The following SCRG1 variants were observed in gnomAD, a reference collection of about 807,000 sequenced individuals.
SCRG1 encodes the protein scrapie-responsive protein 1.
A neutral mutation model predicts 7.7 loss-of-function variants in SCRG1; 3 were observed. The observed-to-expected ratio is 0.39, with a 90% CI of 0.18 to 1.01. The LOEUF (loss-of-function observed/expected upper bound fraction) is 1.01, where lower values mean the gene tolerates loss of function less well. SCRG1 is among the 50% of genes least tolerant of loss of function. The pLI is 0.36. For synonymous variants in SCRG1, 46 were observed against 41.2 expected, an observed-to-expected ratio of 1.12 and a Z score of -0.44; for missense variants, 110 against 117.2, an observed-to-expected ratio of 0.94 and a Z score of 0.28.
At chr4:173,425,673 G>A in the SCRG1 span, among the ~76,000 whole-genome samples, 2 of 152,170 alleles carry the variant, frequency 1.3e-5, no homozygotes, top group East Asian at 1.9e-4. Context: ...CTGAACATTC[G>A]TTCCTGACAC....
At chr4:173,463,402 G>A in the SCRG1 span, among the ~76,000 whole-genome samples, 1 of 152,256 alleles carries the variant, frequency 6.6e-6, no homozygotes, top group East Asian at 1.9e-4. Context: ...AGTCTCCTGA[G>A]TAGCTGGGAC....
At chr4:173,419,635 G>T in the SCRG1 span, 1 of 731,996 alleles carries the variant, frequency 1.4e-6, no homozygotes, top group Non-Finnish European at 2.5e-6. Flanking sequence ...ACAAACCAAG[G>T]AATCGTTTGC....
chr4:173,400,293 G>C (rs550021655), upstream of SCRG1, among the ~76,000 whole-genome samples: 6 of 152,150 alleles, frequency 3.9e-5, no homozygotes, highest in South Asian at 6.2e-4. Context: ...ACTTTCAAAG[G>C]CTTGGGCCTT....
At chr4:173,403,365 A>G (rs1739812852), upstream of SCRG1, 1 of 152,214 alleles carries the variant, frequency 6.6e-6, no homozygotes. Flanking sequence ...AACCCTGGCT[A>G]TAATGGGGAT....
intron 2 of SCRG1, chr4:173,404,255 T>C (rs1739841849): frequency 6.6e-6 from 1 of 152,200 alleles, no homozygotes; most frequent in Non-Finnish European, 1.5e-5. Context: ...AAAACAACAG[T>C]ACCTTTTTAA....
the SCRG1 span, among the ~76,000 whole-genome samples, chr4:173,492,554 T>C: frequency 6.6e-6 from 1 of 152,186 alleles, no homozygotes; most frequent in African/African-American, 2.4e-5. Flanking sequence ...CAGAAAACTC[T>C]CTAGATCTGC....
At chr4:173,516,720 GA>G in the SCRG1 span, among the ~76,000 whole-genome samples, 1 of 152,166 alleles carries the variant, frequency 6.6e-6, no homozygotes, top group Non-Finnish European at 1.5e-5. Flanking sequence ...GACCCCTGTG[GA>G]AATTAGTCAT....
At chr4:173,416,422 A>G in the SCRG1 span, among the ~76,000 whole-genome samples, 2 of 152,210 alleles carry the variant, frequency 1.3e-5, no homozygotes, top group African/African-American at 4.8e-5. Flanking sequence ...AGCTCCGATG[A>G]TCTCATACCT....
At chr4:173,453,465 C>T in the SCRG1 span, among the ~76,000 whole-genome samples, 1 of 152,170 alleles carries the variant, frequency 6.6e-6, no homozygotes, top group African/African-American at 2.4e-5. Context: ...TGTACTTACA[C>T]AAACCTAGAC....
upstream of SCRG1, among the ~76,000 whole-genome samples, chr4:173,408,154 A>G (rs1291173433): frequency 6.6e-6 from 1 of 152,224 alleles, no homozygotes; most frequent in East Asian, 1.9e-4. Context: ...TATATTACAT[A>G]CAGTATAATC....
the SCRG1 span, among the ~76,000 whole-genome samples, chr4:173,464,648 T>C: frequency 6.6e-6 from 1 of 152,170 alleles, no homozygotes; most frequent in Non-Finnish European, 1.5e-5. Flanking sequence ...GGTGGGCCTG[T>C]AAAGTGGCAC....
the SCRG1 span, among the ~76,000 whole-genome samples, chr4:173,417,634 CCTT>C: frequency 7.1e-6 from 1 of 141,504 alleles, no homozygotes; most frequent in Non-Finnish European, 1.5e-5. Context: ...TTCCTTCATT[CCTT>C]CTTTTTTTTC....
At chr4:173,489,420 A>C in the SCRG1 span, among the ~76,000 whole-genome samples, 1 of 152,212 alleles carries the variant, frequency 6.6e-6, no homozygotes, top group Non-Finnish European at 1.5e-5. Flanking sequence ...TAAGGAGAGC[A>C]ATCATGTTCA....
the SCRG1 span, among the ~76,000 whole-genome samples, chr4:173,430,344 TA>T: frequency 6.6e-6 from 1 of 152,130 alleles, no homozygotes; most frequent in Non-Finnish European, 1.5e-5. Context: ...CAAAATAATG[TA>T]AAAAGCATTC....
the SCRG1 span, among the ~76,000 whole-genome samples, chr4:173,425,664 T>A: frequency 3.3e-5 from 5 of 152,240 alleles, no homozygotes; most frequent in African/African-American, 1.2e-4. Flanking sequence ...GGCTGGATTC[T>A]GAACATTCGT....
chr4:173,490,007 A>G, the SCRG1 span, among the ~76,000 whole-genome samples: 3 of 152,210 alleles, frequency 2.0e-5, no homozygotes, highest in African/African-American at 7.2e-5. Context: ...AGTTCTAGCC[A>G]CAGTTCATAA....
chr4:173,416,908 CCAAACACACACA>C, the SCRG1 span, among the ~76,000 whole-genome samples: 7 of 77,560 alleles, frequency 9.0e-5, no homozygotes, highest in Admixed American at 1.7e-4. Flanking sequence ...ACACACACAC[CCAAACACACACA>C]CACACACACA....
At chr4:173,422,182 AC>A in the SCRG1 span, among the ~76,000 whole-genome samples, 4 of 152,356 alleles carry the variant, frequency 2.6e-5, no homozygotes, top group Admixed American at 1.3e-4. Flanking sequence ...AAGTAAGTGG[AC>A]TGTTACAGGA....
At chr4:173,428,119 T>C in the SCRG1 span, among the ~76,000 whole-genome samples, 3 of 152,146 alleles carry the variant, frequency 2.0e-5, no homozygotes, top group African/African-American at 7.2e-5. Flanking sequence ...GGATAGATGG[T>C]GAATACATGT....
Sources: allele counts gnomAD v4.1 joint callset (sites outside exome capture counted in the v4.1 genomes callset), GRCh38; gene constraint gnomAD v4.1.1; transcripts MANE v1.5; gene names NCBI Gene and HGNC (gene_info 2026-07-23, HGNC 2026-07-21).